The following GRM7 variants were observed in gnomAD, a reference collection of about 807,000 sequenced individuals.
GRM7 encodes glutamate metabotropic receptor 7.
A neutral mutation model predicts 84.5 loss-of-function variants in GRM7; 35 were observed. The ratio of observed to expected loss-of-function variants is 0.41; its 90% CI spans 0.32 to 0.55. The LOEUF (loss-of-function observed/expected upper bound fraction) is 0.55. Ranked by LOEUF, GRM7 falls within the 20% of genes least tolerant of loss-of-function variation. The pLI is 0.19. For missense variants in GRM7, 1,003 were observed against 1,194.6 expected (o/e 0.84, Z 2.36); for synonymous variants, 487 against 455.1 (o/e 1.07, Z -0.89).
intron 8 of GRM7, among the ~76,000 whole-genome samples, chr3:7,658,976 A>G (rs1456697649): frequency 6.6e-6 from 1 of 152,184 alleles, no homozygotes; most frequent in Non-Finnish European, 1.5e-5. Context: ...ATTTCTTTGC[A>G]TTTTTCACAA....
chr3:7,257,550 G>A (rs1698253820), intron 2 of GRM7, among the ~76,000 whole-genome samples: 1 of 152,122 alleles, frequency 6.6e-6, no homozygotes, highest in South Asian at 2.1e-4. Flanking sequence ...CAAGTATACT[G>A]TAAGGGCAAA....
At chr3:7,219,101 G>A (rs898499417) in intron 2 of GRM7, among the ~76,000 whole-genome samples, 2 of 152,084 alleles carry the variant, frequency 1.3e-5, no homozygotes, top group Non-Finnish European at 2.9e-5. Flanking sequence ...TTCCCATTTA[G>A]TCGTTAACTC....
rs565056209 is a variant in GRM7, at chr3:7,342,018, C to A, written c.1033+35366C>A. 1.0e-3 allele frequency among the ~76,000 whole-genome samples: 157 copies of A among 152,174 alleles called. 1 individual carries two copies. Among genetic ancestry groups the A allele is most frequent in the Non-Finnish European group, 1.6e-3 (111 of 67,986 alleles). On this transcript the variant is annotated intron_variant, in intron 4 of 9. Coordinates refer to ENST00000357716, the MANE Select transcript of GRM7 (RefSeq NM_000844.4). ...AGGTAGATGACATCAGACAAGTTCTCCTAAAAAATAAATATTCACGAGTAT... is the reference window on the plus strand; with the variant it reads ...AGGTAGATGACATCAGACAAGTTCTACTAAAAAATAAATATTCACGAGTAT...
At chr3:7,576,005 A>G (rs1694945216) in intron 7 of GRM7, among the ~76,000 whole-genome samples, 1 of 152,230 alleles carries the variant, frequency 6.6e-6, no homozygotes, top group Non-Finnish European at 1.5e-5. Flanking sequence ...ATTTATTCCT[A>G]TAAAGTTTAA....
At chr3:6,890,223 C>G (rs1403262640) in intron 1 of GRM7, among the ~76,000 whole-genome samples, 3 of 152,146 alleles carry the variant, frequency 2.0e-5, no homozygotes, top group Non-Finnish European at 2.9e-5. Flanking sequence ...TTTTGTGTCT[C>G]TATTTCCTTC....
At chr3:7,460,401 T>TA (rs397687102) in intron 6 of GRM7, among the ~76,000 whole-genome samples, 5 of 152,026 alleles carry the variant, frequency 3.3e-5, no homozygotes, top group Non-Finnish European at 7.4e-5. Context: ...TTTTTTTTTT[T>TA]ATTTTCCAAA....
At position 7,086,898 on chromosome 3, in the gene GRM7, G is replaced by A. The variant is rs185411988; in HGVS notation, c.520-59554G>A. Among the ~76,000 whole-genome samples the A allele has an allele frequency of 3.9e-5, 6 of 152,302 alleles. No individual in the cohort carries two copies. The East Asian group carries it at 1.2e-3, about 29-fold the overall frequency. Reference sequence around the variant, plus strand: ...TGGCTGTTGGCTATAGTCAAATGGAGAAGCCAATGCTGTTGTTTCTGTGTC... The same window carrying A: ...TGGCTGTTGGCTATAGTCAAATGGAAAAGCCAATGCTGTTGTTTCTGTGTC... On this transcript the variant is annotated intron_variant, in intron 1 of 9. Coordinates refer to ENST00000357716, the MANE Select transcript of GRM7 (RefSeq NM_000844.4).
At chr3:7,192,528 A>T (rs1471722335) in intron 2 of GRM7, among the ~76,000 whole-genome samples, 1 of 152,084 alleles carries the variant, frequency 6.6e-6, no homozygotes, top group South Asian at 2.1e-4. Context: ...CTTATACTTT[A>T]AAAAATATGG....
intron 1 of GRM7, among the ~76,000 whole-genome samples, chr3:6,965,407 TC>T (rs1311984079): frequency 1.6e-4 from 24 of 152,078 alleles, no homozygotes; most frequent in Non-Finnish European, 8.8e-5. Context: ...AGCCTCAACC[TC>T]CCAGGCTCAA....
At position 6,928,784 on chromosome 3, in the gene GRM7, AG is replaced by A. The variant is rs1205980007; in HGVS notation, c.519+66878del. Among the ~76,000 whole-genome samples, 4 of 152,178 alleles carry A rather than the reference AG, an allele frequency of 2.6e-5. No individual in the cohort carries two copies. Among genetic ancestry groups the A allele is most frequent in the African/African-American group, 9.7e-5 (4 of 41,442 alleles). On this transcript the variant is annotated intron_variant, in intron 1 of 9. Transcript: ENST00000357716. This position sits in a 1 kb window ranked among gnomAD's most constrained non-coding sequence, Gnocchi z 4.5. ...GTAGCCTTCTGCTATATTTACTGTT[AG>A]AAAATGTTCTTTTAAATTGAGCACG...
At chr3:7,524,570 A>G (rs2124995974) in intron 7 of GRM7, among the ~76,000 whole-genome samples, 1 of 88,414 alleles carries the variant, frequency 1.1e-5, no homozygotes, top group East Asian at 2.6e-4. Flanking sequence ...ATGAGATACC[A>G]TCTCACACCA....
chr3:7,649,269 C>T (rs1338206863), intron 8 of GRM7, among the ~76,000 whole-genome samples: 1 of 151,940 alleles, frequency 6.6e-6, no homozygotes, highest in Non-Finnish European at 1.5e-5. Context: ...CGGGGTTTCA[C>T]CGTGTTAGCC....
chr3:7,715,213 A>G (rs1282374889), intron 9 of GRM7, among the ~76,000 whole-genome samples: 2 of 152,122 alleles, frequency 1.3e-5, no homozygotes, highest in Non-Finnish European at 2.9e-5. Context: ...CAATCCCAAT[A>G]CTTCAGGGGG....
chr3:7,028,378 G>A (rs563625611), intron 1 of GRM7, among the ~76,000 whole-genome samples: 92 of 152,230 alleles, frequency 6.0e-4, no homozygotes, highest in Middle Eastern at 6.8e-3. Context: ...TACAGATCTG[G>A]CAATATCTTT....
rs752957121 is a variant in GRM7, at chr3:6,863,010, G to C, written c.519+1103G>C. 3 of 456,330 alleles carry C rather than the reference G, an allele frequency of 6.6e-6. No individual in the cohort carries two copies. Among genetic ancestry groups the C allele is most frequent in the South Asian group, 4.7e-5 (3 of 64,496 alleles). 28.3% of individuals were successfully genotyped at this position (456,330 alleles called of 1,614,324 possible). On this transcript the variant is annotated intron_variant, in intron 1 of 9. Transcript: ENST00000357716. The surrounding 1 kb of genome is among the most constrained non-coding windows in gnomAD (Gnocchi z 4.8). ...CTCCTGAGCTGCACTGGGTAGGAATGAGTGGCTTTGGGGTTTGGAAATTGA... is the reference window on the plus strand; with the variant it reads ...CTCCTGAGCTGCACTGGGTAGGAATCAGTGGCTTTGGGGTTTGGAAATTGA...
intron 2 of GRM7, among the ~76,000 whole-genome samples, chr3:7,207,070 G>T (rs1696264319): frequency 6.6e-6 from 1 of 152,150 alleles, no homozygotes; most frequent in South Asian, 2.1e-4. Flanking sequence ...ATCTGAAAGA[G>T]AAATAGAAGA....
intron 4 of GRM7, among the ~76,000 whole-genome samples, chr3:7,401,856 G>A (rs1187710798): frequency 1.3e-5 from 2 of 152,086 alleles, no homozygotes; most frequent in African/African-American, 2.4e-5. Context: ...TATTAGTTAT[G>A]ACCCTTACAG....
intron 9 of GRM7, among the ~76,000 whole-genome samples, chr3:7,729,969 G>C (rs530541220): frequency 6.7e-6 from 1 of 150,086 alleles, no homozygotes; most frequent in Non-Finnish European, 1.5e-5. Context: ...CCACCTCCTG[G>C]GTTCAAGCAA....
intron 1 of GRM7, among the ~76,000 whole-genome samples, chr3:6,991,538 G>A (rs1411103826): frequency 6.6e-6 from 1 of 152,182 alleles, no homozygotes; most frequent in East Asian, 1.9e-4. Flanking sequence ...AAGAGTCAGT[G>A]AAGAAGAGGC....
Sources: allele counts gnomAD v4.1 joint callset (sites outside exome capture counted in the v4.1 genomes callset), GRCh38; gene constraint gnomAD v4.1.1; non-coding constraint Gnocchi (gnomAD v3.1); transcripts MANE v1.5; gene names NCBI Gene and HGNC (gene_info 2026-07-23, HGNC 2026-07-21).